IGFBP7: variants seen among roughly 807,000 people sequenced by gnomAD.
The protein encoded by IGFBP7 is insulin-like growth factor-binding protein 7.
IGFBP7 carries 31 observed loss-of-function variants against 29.4 expected under a neutral mutation model. The ratio of observed to expected loss-of-function variants is 1.05; its 90% CI spans 0.79 to 1.42. The LOEUF is 1.42. Among genes scored for constraint, IGFBP7 ranks in the 40% most tolerant of loss-of-function variants. IGFBP7 has a pLI of 0.00. For missense variants in IGFBP7, 393 were observed against 395.5 expected (o/e 0.99, Z 0.05); for synonymous variants, 172 against 174.9 (o/e 0.98, Z 0.13).
intron 1 of IGFBP7, among the ~76,000 whole-genome samples, chr4:57,081,049 C>G (rs577218386): frequency 5.4e-4 from 82 of 152,186 alleles, no homozygotes; most frequent in Non-Finnish European, 9.3e-4. Flanking sequence ...TCCTGGAAGT[C>G]AACACCCATT....
chr4:57,036,617 A>C (rs1347236877), intron 2 of IGFBP7, among the ~76,000 whole-genome samples: 1 of 152,088 alleles, frequency 6.6e-6, no homozygotes, highest in African/African-American at 2.4e-5. Flanking sequence ...CTAGGCTAGG[A>C]GTTTGCTGAA....
intron 2 of IGFBP7, among the ~76,000 whole-genome samples, chr4:57,034,648 G>A (rs1048075929): frequency 2.0e-5 from 3 of 152,042 alleles, no homozygotes; most frequent in Non-Finnish European, 4.4e-5. Flanking sequence ...CCTACCATGT[G>A]TTTTTTGGTA....
intron 2 of IGFBP7, 90 bp downstream of exon 2, chr4:57,040,734 G>C: frequency 2.1e-6 from 2 of 957,404 alleles, no homozygotes. Flanking sequence ...AGTCAACAAA[G>C]CAGGCTGAGG....
In IGFBP7 at chr4:57,109,919, C is replaced by T; in HGVS notation, c.433G>A (p.Glu145Lys). 6.4e-7 allele frequency: 1 copy of T among 1,557,460 alleles called. No individual in the cohort carries two copies. Residue 145 changes from glutamate to lysine, a missense_variant, in exon 1 of 5, where the codon GAG (glutamate) becomes AAG (lysine). By Grantham distance (56) the Glu-to-Lys change is moderately conservative. Transcript: ENST00000295666. ...TTGCTGACCTGGGTGATGGCCTTCTCCCCGCGGCTCTCGGCCCTCTGGCTG... is the reference window on the plus strand; with the variant it reads ...TTGCTGACCTGGGTGATGGCCTTCTTCCCGCGGCTCTCGGCCCTCTGGCTG... ...AASQRAESRGEKAITQVSKGT... is the reference protein window; with the variant it reads ...AASQRAESRGKKAITQVSKGT...
At chr4:57,061,225 C>G (rs1290971936) in intron 1 of IGFBP7, among the ~76,000 whole-genome samples, 1 of 152,112 alleles carries the variant, frequency 6.6e-6, no homozygotes, top group Non-Finnish European at 1.5e-5. Context: ...GGGATACTTT[C>G]TAAAACCCCC....
At chr4:57,052,717 C>T (rs780542882) in intron 1 of IGFBP7, among the ~76,000 whole-genome samples, 8 of 152,142 alleles carry the variant, frequency 5.3e-5, no homozygotes, top group South Asian at 2.1e-4. Flanking sequence ...CCCTGGTGAC[C>T]GCGTGCCCAG....
chr4:57,039,687 G>A (rs115136556), intron 2 of IGFBP7, among the ~76,000 whole-genome samples: 7,331 of 148,540 alleles, frequency 0.049, 249 homozygotes, highest in East Asian at 0.15. Flanking sequence ...GTGCAGTGGG[G>A]CAATCACAGC....
intron 2 of IGFBP7, among the ~76,000 whole-genome samples, chr4:57,039,567 C>A (rs1724168791): frequency 6.6e-6 from 1 of 151,836 alleles, no homozygotes; most frequent in Non-Finnish European, 1.5e-5. Context: ...TATCTGGCCC[C>A]AAATGTCAAT....
chr4:57,098,505 C>T (rs1419254585), intron 1 of IGFBP7, among the ~76,000 whole-genome samples: 1 of 152,076 alleles, frequency 6.6e-6, no homozygotes, highest in African/African-American at 2.4e-5. Flanking sequence ...AACCAAAGGC[C>T]CAGCAGTGCA....
intron 1 of IGFBP7, among the ~76,000 whole-genome samples, chr4:57,043,605 A>C (rs2109746779): frequency 6.6e-6 from 1 of 152,264 alleles, no homozygotes; most frequent in South Asian, 2.1e-4. Context: ...CTCATGGGAT[A>C]TTTTTATTTT....
At position 57,110,322 on chromosome 4, in the gene IGFBP7, G is replaced by C; in HGVS notation, c.30C>G (p.Leu10=). MERPSLRAL[L]LGAAGLLLLL... Reference sequence around the variant, plus strand: ...GGAGCAGCAGCCCAGCGGCGCCGAGGAGCAGGGCGCGCAGCGACGGCCGCT... The same window carrying C: ...GGAGCAGCAGCCCAGCGGCGCCGAGCAGCAGGGCGCGCAGCGACGGCCGCT... Residue 10 remains leucine, a synonymous_variant, in exon 1 of 5, where the codon CTC becomes CTG. Coordinates refer to ENST00000295666, the MANE Select transcript of IGFBP7 (RefSeq NM_001553.3). 3 of 1,400,178 alleles carry C rather than the reference G, an allele frequency of 2.1e-6. No individual in the cohort carries two copies. The highest frequency in any genetic ancestry group is 2.8e-6 in the Non-Finnish European group (3 of 1,074,950). 86.7% of individuals were successfully genotyped at this position (1,400,178 alleles called of 1,614,324 possible). A position where few individuals can be genotyped will look rare whatever the true frequency, so the allele number is the denominator to read the frequency against.
chr4:57,037,193 T>C (rs974683770), intron 2 of IGFBP7, among the ~76,000 whole-genome samples: 2 of 152,206 alleles, frequency 1.3e-5, no homozygotes, highest in Non-Finnish European at 2.9e-5. Flanking sequence ...TGGTCTGCAG[T>C]GTAAGAAACA....
chr4:57,055,214 A>C (rs1724627359), intron 1 of IGFBP7, among the ~76,000 whole-genome samples: 1 of 152,220 alleles, frequency 6.6e-6, no homozygotes, highest in African/African-American at 2.4e-5. Context: ...TCTGTCCTGC[A>C]GGATCTTATC....
At chr4:57,043,060 G>A (rs563692365) in intron 1 of IGFBP7, among the ~76,000 whole-genome samples, 4 of 152,138 alleles carry the variant, frequency 2.6e-5, no homozygotes, top group African/African-American at 4.8e-5. Context: ...GTCCCCTGAC[G>A]GCCTGGCTTC....
chr4:57,061,200 C>T (rs1447434678), intron 1 of IGFBP7, among the ~76,000 whole-genome samples: 1 of 152,116 alleles, frequency 6.6e-6, no homozygotes, highest in Non-Finnish European at 1.5e-5. Context: ...CAATAGTCCA[C>T]CCTTATCCCT....
rs553464226 is a variant in IGFBP7, at chr4:57,084,708, G to A, written c.475+25169C>T. Among the ~76,000 whole-genome samples, 12 of 151,692 alleles carry A rather than the reference G, an allele frequency of 7.9e-5. No homozygotes were observed. In the South Asian group the frequency reaches 2.5e-3, roughly 32 times the overall value. ...CTTCTAGTTTCTGTGGTAAAATCAG[G>A]GGCTGTCAAATGATCTGATGATAAT... On this transcript the variant is annotated intron_variant, in intron 1 of 4. Coordinates refer to ENST00000295666, the MANE Select transcript of IGFBP7 (RefSeq NM_001553.3).
chr4:57,110,159 G>A lies in IGFBP7; in HGVS notation c.193C>T (p.Arg65Cys), dbSNP rs1368695277. 10 of 1,462,160 alleles carry A rather than the reference G, an allele frequency of 6.8e-6. No individual in the cohort carries two copies. In the South Asian group the frequency reaches 1.2e-4, roughly 18 times the overall value. The allele number at this position is 1,462,160 out of a possible 1,614,324, so 90.6% of individuals were successfully genotyped here. ...DACGCCPMCA[R>C]GEGEPCGGGG... ...CCCCCGCACGGCTCGCCCTCGCCGCGGGCGCACATAGGGCAGCAGCCGCAC... is the reference window on the plus strand; with the variant it reads ...CCCCCGCACGGCTCGCCCTCGCCGCAGGCGCACATAGGGCAGCAGCCGCAC... The change falls in exon 1 of 5, where the codon CGC (arginine) becomes TGC (cysteine). Residue 65 changes from arginine to cysteine, a missense_variant. Arg to Cys is a radical substitution (Grantham distance 180). Coordinates refer to ENST00000295666, the MANE Select transcript of IGFBP7 (RefSeq NM_001553.3).
chr4:57,097,832 C>T (rs1725796818), intron 1 of IGFBP7, among the ~76,000 whole-genome samples: 1 of 152,114 alleles, frequency 6.6e-6, no homozygotes, highest in Non-Finnish European at 1.5e-5. Context: ...TTTATTTCCC[C>T]TCGTACACCA....
At chr4:57,038,515 G>T (rs991878346) in intron 2 of IGFBP7, among the ~76,000 whole-genome samples, 8 of 152,120 alleles carry the variant, frequency 5.3e-5, no homozygotes, top group Non-Finnish European at 1.2e-4. Flanking sequence ...AACAGAAAGA[G>T]CTCCGACTGC....
Sources: gnomAD v4.1 joint callset for allele counts (sites outside exome capture counted in the v4.1 genomes callset) on GRCh38, gnomAD v4.1.1 for gene constraint, MANE v1.5 for transcripts, NCBI Gene and HGNC (gene_info 2026-07-23, HGNC 2026-07-21) for gene names.